Variants in NFE2L3 observed in about 807,000 individuals in gnomAD.
NFE2L3 encodes the protein nuclear factor erythroid 2-related factor 3.
In NFE2L3, 18 loss-of-function variants were observed where a neutral mutation model predicts 23.5. The observed-to-expected ratio is 0.77, with a 90% CI of 0.53 to 1.13. NFE2L3 has a LOEUF of 1.13. NFE2L3 is among the 50% of genes most tolerant of loss of function. The pLI is 0.00. For missense variants in NFE2L3, 1,152 were observed against 877.2 expected (o/e 1.31, Z -3.96); for synonymous variants, 424 against 354.5 (o/e 1.20, Z -2.20).
Position 26,186,199 on chromosome 7 carries a change from C to G in NFE2L3, c.*416C>G, listed in dbSNP as rs946045542. On this transcript the variant is annotated 3_prime_UTR_variant, in exon 4 of 4. Transcript: ENST00000056233. ...GCCTTATTTTCATTTAGTTTGTTAGCACTATAGTGAGCTTTTCAAACACTA... is the reference window on the plus strand; with the variant it reads ...GCCTTATTTTCATTTAGTTTGTTAGGACTATAGTGAGCTTTTCAAACACTA... 5 of 155,576 alleles carry G rather than the reference C, an allele frequency of 3.2e-5. No homozygotes were observed. The highest frequency in any genetic ancestry group is 1.2e-4 in the African/African-American group (5 of 41,550). The allele number at this position is 155,576 out of a possible 1,614,324, so 9.6% of individuals were successfully genotyped here.
At chr7:26,182,984 G>A (rs1219459083) in intron 2 of NFE2L3, among the ~76,000 whole-genome samples, 1 of 151,638 alleles carries the variant, frequency 6.6e-6, no homozygotes, top group Non-Finnish European at 1.5e-5. Flanking sequence ...AAACGGTCTT[G>A]TTGTGTTGCC....
chr7:26,183,937 T>C (rs1477882760), intron 3 of NFE2L3, 153 bp downstream of exon 3: 5 of 584,646 alleles, frequency 8.6e-6, no homozygotes, highest in East Asian at 2.9e-5. Flanking sequence ...CAAATATGTA[T>C]AGCATTCCTC....
intron 1 of NFE2L3, among the ~76,000 whole-genome samples, chr7:26,177,497 C>T (rs1044385257): frequency 3.3e-5 from 5 of 152,028 alleles, no homozygotes; most frequent in Non-Finnish European, 7.4e-5. Flanking sequence ...CTGGGCGGGC[C>T]GAGGCAGGAC....
intron 1 of NFE2L3, among the ~76,000 whole-genome samples, chr7:26,170,638 C>A (rs1356260545): frequency 6.6e-6 from 1 of 152,178 alleles, no homozygotes; most frequent in Non-Finnish European, 1.5e-5. Context: ...CAAAAAACTC[C>A]TGGCACAGAC....
At chr7:26,179,415 A>G (rs899746840) in intron 2 of NFE2L3, among the ~76,000 whole-genome samples, 5 of 151,444 alleles carry the variant, frequency 3.3e-5, no homozygotes, top group Non-Finnish European at 7.4e-5. Flanking sequence ...TGGGAGGATC[A>G]CCTGAGCCTG....
chr7:26,175,734 G>A (rs1253579914), intron 1 of NFE2L3, among the ~76,000 whole-genome samples: 5 of 148,798 alleles, frequency 3.4e-5, no homozygotes, highest in South Asian at 4.2e-4. Context: ...AGCCAAGATC[G>A]TGCCACTGCA....
chr7:26,184,190 C>T, intron 3 of NFE2L3: 3 of 340,176 alleles, frequency 8.8e-6, no homozygotes, highest in South Asian at 4.0e-5. Flanking sequence ...AGTTTATTAT[C>T]CCTGACCCTC....
intron 1 of NFE2L3, among the ~76,000 whole-genome samples, chr7:26,158,440 A>G (rs772738262): frequency 5.3e-5 from 8 of 152,048 alleles, no homozygotes; most frequent in South Asian, 2.1e-4. Flanking sequence ...CCTTCCATCA[A>G]TTCTTGGGGT....
intron 1 of NFE2L3, among the ~76,000 whole-genome samples, chr7:26,164,659 C>T (rs886968976): frequency 2.6e-5 from 4 of 151,916 alleles, no homozygotes; most frequent in African/African-American, 7.3e-5. Context: ...CTCTTTAGTT[C>T]AATTAGATCC....
At chr7:26,178,412 A>G (rs1403638797) in intron 2 of NFE2L3, among the ~76,000 whole-genome samples, 1 of 152,152 alleles carries the variant, frequency 6.6e-6, no homozygotes, top group African/African-American at 2.4e-5. Flanking sequence ...TGCCAAGGCA[A>G]GTGATGAAGA....
At chr7:26,175,521 T>C (rs998834106) in intron 1 of NFE2L3, among the ~76,000 whole-genome samples, 7 of 152,066 alleles carry the variant, frequency 4.6e-5, no homozygotes, top group Non-Finnish European at 8.8e-5. Context: ...CTCACGCCTG[T>C]AATCCCAGCA....
At chr7:26,161,370 T>G in intron 1 of NFE2L3, among the ~76,000 whole-genome samples, 1 of 119,492 alleles carries the variant, frequency 8.4e-6, no homozygotes, top group East Asian at 2.7e-4. Context: ...TTTTTGGGTC[T>G]TACCTTTCTT....
intron 1 of NFE2L3, among the ~76,000 whole-genome samples, chr7:26,177,605 G>A (rs921889862): frequency 6.6e-6 from 1 of 152,174 alleles, no homozygotes; most frequent in Non-Finnish European, 1.5e-5. Context: ...AAGGAGGGAA[G>A]GAGGGAGGAA....
At position 26,184,820 on chromosome 7, in the gene NFE2L3, TCTAACAAGCCAAGACCTA is replaced by T; in HGVS notation, c.1125_1142del (p.Thr376_Leu381del). On this transcript the variant is annotated inframe_deletion, in exon 4 of 4. Coordinates refer to ENST00000056233, the MANE Select transcript of NFE2L3 (RefSeq NM_004289.7). ...CACCGGTTGACAATCATATGAGGAA[TCTAACAAGCCAAGACCTA>T]CTGTATGACCTTGACATAAATATAT... The T allele has an allele frequency of 6.2e-7, 1 of 1,613,928 alleles. No individual in the cohort carries two copies. The highest frequency in any genetic ancestry group is 1.1e-5 in the South Asian group (1 of 91,078).
chr7:26,184,393 T>G, intron 3 of NFE2L3, 140 bp from the exon 4 acceptor site: 1 of 723,596 alleles, frequency 1.4e-6, no homozygotes, highest in Admixed American at 2.6e-5. Flanking sequence ...TGTATTTAAC[T>G]AGGAAGTTAC....
At chr7:26,181,667 A>G (rs925947032) in intron 2 of NFE2L3, among the ~76,000 whole-genome samples, 1 of 152,184 alleles carries the variant, frequency 6.6e-6, no homozygotes. Context: ...ATAAATAGCC[A>G]TGAGTCAGCA....
At chr7:26,153,213 G>A (rs1784027094) in intron 1 of NFE2L3, 145 bp downstream of exon 1, 4 of 785,382 alleles carry the variant, frequency 5.1e-6, no homozygotes, top group African/African-American at 1.9e-5. Context: ...AGATGCTGCT[G>A]CTCTGATTCC....
At chr7:26,170,086 C>CT (rs1333743049) in intron 1 of NFE2L3, among the ~76,000 whole-genome samples, 1 of 152,210 alleles carries the variant, frequency 6.6e-6, no homozygotes, top group Non-Finnish European at 1.5e-5. Flanking sequence ...ATAGTACCCT[C>CT]TTACCCTCTC....
rs1444018178 is a variant in NFE2L3 at position 26,180,372 on chromosome 7, CCCAGCTGGTATTCTCCCCAGCT to C, written c.750+2253_750+2274del. ...ATTTGGCAACTGCCTGTTCTTTTTT[CCCAGCTGGTATTCTCCCCAGCT>C]CCTCTGACTTATCTATTTCCTAATT... On this transcript the variant is annotated intron_variant, in intron 2 of 3. Coordinates refer to ENST00000056233, the MANE Select transcript of NFE2L3 (RefSeq NM_004289.7). Among the ~76,000 whole-genome samples the C allele has an allele frequency of 2.0e-5, 3 of 152,148 alleles. No individual in the cohort carries two copies. The East Asian group carries it at 5.8e-4, about 29-fold the overall frequency.
Sources: gnomAD v4.1 joint callset for allele counts (sites outside exome capture counted in the v4.1 genomes callset) on GRCh38, gnomAD v4.1.1 for gene constraint, MANE v1.5 for transcripts, NCBI Gene and HGNC (gene_info 2026-07-23, HGNC 2026-07-21) for gene names.